Variants in CCNY observed in about 807,000 individuals in gnomAD.
CCNY encodes cyclin-Y.
In CCNY, 19 loss-of-function variants were observed where a neutral mutation model predicts 42.8. The ratio of observed to expected loss-of-function variants is 0.44; its 90% confidence interval spans 0.31 to 0.65. The LOEUF (loss-of-function observed/expected upper bound fraction) is 0.65, where lower values mean the gene tolerates loss of function less well. Among genes scored for constraint, CCNY ranks in the 30% least tolerant of loss-of-function variants. CCNY has a pLI of 0.07. For missense variants in CCNY, 370 were observed against 437.3 expected (o/e 0.85, Z 1.37); for synonymous variants, 165 against 162.7 (o/e 1.01, Z -0.11).
intron 8 of CCNY, among the ~76,000 whole-genome samples, chr10:35,564,177 G>A (rs1564460136): frequency 4.4e-5 from 1 of 22,528 alleles, no homozygotes; most frequent in Non-Finnish European, 8.7e-5. Flanking sequence ...ACCACACCCA[G>A]CCTAAATTCT....
intron 7 of CCNY, among the ~76,000 whole-genome samples, chr10:35,548,181 G>A (rs1841157392): frequency 6.6e-6 from 1 of 150,860 alleles, no homozygotes; most frequent in Admixed American, 6.6e-5. Context: ...TATTTTTCGT[G>A]TTATATGTAT....
chr10:35,390,826 A>G (rs972681883), intron 1 of CCNY, among the ~76,000 whole-genome samples: 8 of 152,244 alleles, frequency 5.3e-5, no homozygotes, highest in Non-Finnish European at 1.2e-4. Context: ...TTTTAATGAC[A>G]TGTAAATGCT....
intron 8 of CCNY, among the ~76,000 whole-genome samples, chr10:35,565,300 C>T (rs1841547079): frequency 1.3e-5 from 2 of 152,144 alleles, no homozygotes; most frequent in Non-Finnish European, 2.9e-5. Context: ...GAGCCTCAGC[C>T]TCACCATCAT....
chr10:35,313,387 C>T (rs541562246), intron 3 of CCNY, among the ~76,000 whole-genome samples: 2 of 152,310 alleles, frequency 1.3e-5, no homozygotes, highest in East Asian at 1.9e-4. Context: ...AGAGCTGTGT[C>T]GCTTGTTAGC....
intron 3 of CCNY, among the ~76,000 whole-genome samples, chr10:35,269,138 A>C (rs966219219): frequency 6.6e-6 from 1 of 152,186 alleles, no homozygotes; most frequent in African/African-American, 2.4e-5. Flanking sequence ...ACATTTTTAC[A>C]TACTGCCTCC....
At chr10:35,406,512 C>T (rs1033710225) in intron 1 of CCNY, among the ~76,000 whole-genome samples, 3 of 152,098 alleles carry the variant, frequency 2.0e-5, no homozygotes, top group Admixed American at 6.5e-5. Flanking sequence ...CCTGAGTGGA[C>T]ACAGCACATG....
intron 5 of CCNY, among the ~76,000 whole-genome samples, chr10:35,527,525 G>T (rs928687042): frequency 4.6e-5 from 7 of 152,120 alleles, no homozygotes; most frequent in Non-Finnish European, 1.0e-4. Flanking sequence ...GGTGATACTG[G>T]TATCTTCATT....
At chr10:35,411,681 T>A (rs998582603) in intron 1 of CCNY, among the ~76,000 whole-genome samples, 105 of 152,308 alleles carry the variant, frequency 6.9e-4, no homozygotes, top group African/African-American at 2.5e-3. Context: ...CTCTTCCATC[T>A]GACAACCTGT....
intron 3 of CCNY, among the ~76,000 whole-genome samples, chr10:35,262,738 G>C (rs1031759412): frequency 6.6e-6 from 1 of 151,992 alleles, no homozygotes; most frequent in African/African-American, 2.4e-5. Flanking sequence ...GGATTATCCT[G>C]GTATTGACTT....
In CCNY at chr10:35,569,460, A is replaced by G; in HGVS notation, c.*290A>G. On this transcript the variant is annotated 3_prime_UTR_variant, in exon 10 of 10. Transcript: ENST00000374704. ...AGGGAAAGGGAAGTCGTGGAGAGGC[A>G]GGGAAAATGGTTAAGCAGCCCGGCC... 2.3e-6 allele frequency: 1 copy of G among 438,964 alleles called. No individual in the cohort carries two copies. Among genetic ancestry groups the G allele is most frequent in the Non-Finnish European group, 4.2e-6 (1 of 237,002 alleles). The allele number at this position is 438,964 out of a possible 1,614,324, so 27.2% of individuals were successfully genotyped here.
At chr10:35,391,883 A>G (rs971972447) in intron 1 of CCNY, among the ~76,000 whole-genome samples, 2 of 151,644 alleles carry the variant, frequency 1.3e-5, no homozygotes, top group African/African-American at 4.9e-5. Flanking sequence ...TTTTGTTTTT[A>G]TCTACCACCC....
At chr10:35,313,971 A>G (rs1835721785) in intron 3 of CCNY, among the ~76,000 whole-genome samples, 1 of 130,854 alleles carries the variant, frequency 7.6e-6, no homozygotes, top group South Asian at 2.6e-4. Flanking sequence ...GTGAGAGTTC[A>G]TCTCGGAAAA....
At chr10:35,269,617 C>CTTTTGT (rs1554964203) in intron 3 of CCNY, among the ~76,000 whole-genome samples, 1 of 130,730 alleles carries the variant, frequency 7.6e-6, no homozygotes, top group African/African-American at 3.2e-5. Context: ...GTTCGCCACT[C>CTTTTGT]TTTTTTTTTT....
intron 3 of CCNY, among the ~76,000 whole-genome samples, chr10:35,318,647 T>C (rs573581122): frequency 2.6e-5 from 4 of 152,276 alleles, no homozygotes; most frequent in South Asian, 4.1e-4. Context: ...TTTGGTAATA[T>C]TGAAAAGCAA....
intron 1 of CCNY, among the ~76,000 whole-genome samples, chr10:35,384,572 A>G (rs1260491743): frequency 6.6e-6 from 1 of 152,150 alleles, no homozygotes; most frequent in Admixed American, 6.5e-5. Flanking sequence ...TGGAGTCCCA[A>G]GTTTTTGTTT....
chr10:35,275,056 C>CTTTTTTTTTT (rs34467762), intron 3 of CCNY, among the ~76,000 whole-genome samples: 5 of 64,886 alleles, frequency 7.7e-5, no homozygotes, highest in Non-Finnish European at 1.1e-4. Flanking sequence ...ACCGTCATTC[C>CTTTTTTTTTT]TTTTTTTTTT....
intron 1 of CCNY, among the ~76,000 whole-genome samples, chr10:35,406,233 A>ATTTATTTT (rs1554785139): frequency 5.1e-4 from 51 of 99,370 alleles, no homozygotes; most frequent in Admixed American, 1.5e-3. Flanking sequence ...TTATTTATTT[A>ATTTATTTT]TTTATTTATT....
chr10:35,557,573 T>A (rs778153184), intron 8 of CCNY, among the ~76,000 whole-genome samples: 2 of 151,798 alleles, frequency 1.3e-5, no homozygotes, highest in African/African-American at 2.4e-5. Context: ...CTGGCCAACA[T>A]GGTGAAATGC....
chr10:35,559,281 C>T (rs1841420115), intron 8 of CCNY, among the ~76,000 whole-genome samples: 1 of 152,092 alleles, frequency 6.6e-6, no homozygotes, highest in Admixed American at 6.5e-5. Context: ...AAATAGCGTT[C>T]TAGTGTTTTG....
Sources: allele counts gnomAD v4.1 joint callset (sites outside exome capture counted in the v4.1 genomes callset), GRCh38; gene constraint gnomAD v4.1.1; transcripts MANE v1.5; gene names NCBI Gene and HGNC (gene_info 2026-07-23, HGNC 2026-07-21).